ZBTB7C: variants seen among roughly 807,000 people sequenced by gnomAD.
The protein encoded by ZBTB7C is zinc finger and BTB domain containing 7C, also known as zinc finger and BTB domain-containing protein 7C.
A neutral mutation model predicts 25.7 loss-of-function variants in ZBTB7C; 8 were observed. The observed-to-expected ratio is 0.31, with a 90% CI of 0.18 to 0.56. ZBTB7C has a LOEUF of 0.56. Ranked by LOEUF, ZBTB7C falls within the 20% of genes least tolerant of loss-of-function variation. The pLI is 0.91. For missense variants in ZBTB7C, 824 were observed against 855.2 expected, an observed-to-expected ratio of 0.96 and a Z score of 0.46; for synonymous variants, 394 against 369.0, an observed-to-expected ratio of 1.07 and a Z score of -0.78.
chr18:48,138,526 T>C (rs2040243644), intron 3 of ZBTB7C, among the ~76,000 whole-genome samples: 1 of 151,910 alleles, frequency 6.6e-6, no homozygotes, highest in African/African-American at 2.4e-5. Flanking sequence ...TGTCAAACCC[T>C]CCATGCTGTG....
At chr18:48,276,907 A>G (rs1284410790) in intron 2 of ZBTB7C, among the ~76,000 whole-genome samples, 2 of 131,066 alleles carry the variant, frequency 1.5e-5, no homozygotes, top group Admixed American at 1.7e-4. Flanking sequence ...ACTAGTTTAC[A>G]GTCCCACCAA....
At chr18:48,339,342 C>CCATCGGGACACCCAGCATTGCAGA (rs2046537617) in intron 1 of ZBTB7C, among the ~76,000 whole-genome samples, 3 of 152,224 alleles carry the variant, frequency 2.0e-5, no homozygotes, top group African/African-American at 7.2e-5. Context: ...CGAAGAACAT[C>CCATCGGGACACCCAGCATTGCAGA]CATCGGGACA....
At chr18:48,357,255 A>G (rs1261487055) in intron 1 of ZBTB7C, among the ~76,000 whole-genome samples, 1 of 152,216 alleles carries the variant, frequency 6.6e-6, no homozygotes, top group Non-Finnish European at 1.5e-5. Flanking sequence ...AGGAAGTTAG[A>G]GCAAGAAGCC....
chr18:48,391,466 T>G lies in ZBTB7C; in HGVS notation c.-304+17760A>C, dbSNP rs1000305444. Among the ~76,000 whole-genome samples, 5 of 152,226 alleles carry G rather than the reference T, an allele frequency of 3.3e-5. No individual in the cohort carries two copies. In the South Asian group the frequency reaches 6.2e-4, roughly 19 times the overall value. ...CATTTCTTTCATGCTCTGAGTGGAG[T>G]TCATTGAATGTTTGATATGCAAGTC... is the stretch of plus-strand genomic sequence containing the variant. On this transcript the variant is annotated intron_variant, in intron 1 of 4. Coordinates refer to ENST00000590800, the MANE Select transcript of ZBTB7C (RefSeq NM_001318841.2).
intron 2 of ZBTB7C, among the ~76,000 whole-genome samples, chr18:48,239,954 G>GA (rs960243323): frequency 1.3e-5 from 2 of 151,906 alleles, no homozygotes; most frequent in South Asian, 2.1e-4. Flanking sequence ...CCAACTTAAA[G>GA]AAATTTTAAA....
At chr18:48,041,224 C>T in intron 3 of ZBTB7C, 101 bp from the exon 4 acceptor site, 1 of 1,447,114 alleles carries the variant, frequency 6.9e-7, no homozygotes, top group Non-Finnish European at 9.1e-7. Flanking sequence ...TAAGGGCTCC[C>T]TGTCCACTGC....
Position 48,029,475 on chromosome 18 carries a change from G to A in ZBTB7C, c.1645C>T (p.Arg549Trp), listed in dbSNP as rs770367666. The change falls in exon 5 of 5, where the codon CGG becomes TGG. Residue 549 changes from arginine (R) to tryptophan (W), a missense_variant. Arg to Trp is a moderately radical substitution (Grantham distance 101). Around this residue, in one of 4 missense-constraint regions of ZBTB7C, gnomAD observed 342 missense variants for 307.0 expected, o/e 1.11. Coordinates refer to ENST00000590800, the MANE Select transcript of ZBTB7C (RefSeq NM_001318841.2). ...TTCATCTGTGTCTCCTCGAACTGCC[G>A]CTCCAGCTCTTGCAGGCTCAGGGCG... Reference protein sequence around the residue: ...KGALSLQELERQFEETQMKLF... With the variant: ...KGALSLQELEWQFEETQMKLF... 1.9e-6 allele frequency: 3 copies of A among 1,596,690 alleles called. No individual in the cohort carries two copies. The highest frequency in any genetic ancestry group is 2.2e-5 in the South Asian group (2 of 89,842).
chr18:48,113,550 G>T (rs985907005), intron 3 of ZBTB7C, among the ~76,000 whole-genome samples: 8 of 152,198 alleles, frequency 5.3e-5, no homozygotes, highest in Non-Finnish European at 1.2e-4. Flanking sequence ...CCTCATCTGG[G>T]GCTACCTCCT....
intron 1 of ZBTB7C, among the ~76,000 whole-genome samples, chr18:48,348,210 G>A (rs72913583): frequency 0.062 from 9,481 of 152,278 alleles, 336 homozygotes; most frequent in Non-Finnish European, 0.074. Flanking sequence ...AGTTGATGCC[G>A]TCATAGGAGC....
intron 2 of ZBTB7C, among the ~76,000 whole-genome samples, chr18:48,239,440 C>T (rs960013161): frequency 6.6e-6 from 1 of 152,208 alleles, no homozygotes; most frequent in African/African-American, 2.4e-5. Flanking sequence ...AACAAAACTA[C>T]AACCAAGGAC....
chr18:48,284,898 T>G (rs58413391), intron 2 of ZBTB7C, among the ~76,000 whole-genome samples: 209 of 152,318 alleles, frequency 1.4e-3, no homozygotes, highest in African/African-American at 5.0e-3. Context: ...GCCTTGCTCT[T>G]GTCCAGCATG....
Position 48,301,276 on chromosome 18 carries a change from C to T in ZBTB7C, c.-79+36898G>A, listed in dbSNP as rs184833575. On this transcript the variant is annotated intron_variant, in intron 2 of 4. Coordinates refer to ENST00000590800, the MANE Select transcript of ZBTB7C (RefSeq NM_001318841.2). ...GGGGGATCACCTGAGGTCAGGAGTT[C>T]GAGACCAGCCTGGTCAACATGGCAA... Among the ~76,000 whole-genome samples, 182 of 152,188 alleles carry T rather than the reference C, an allele frequency of 1.2e-3. 3 individuals are homozygous for T. The highest frequency in any genetic ancestry group is 9.2e-3 in the Admixed American group (141 of 15,282).
intron 1 of ZBTB7C, among the ~76,000 whole-genome samples, chr18:48,353,280 T>C (rs1174286846): frequency 4.6e-5 from 7 of 152,212 alleles, no homozygotes; most frequent in African/African-American, 1.7e-4. Context: ...GGTCTTCTGC[T>C]GCAAATAGAG....
At chr18:48,103,916 G>A (rs1197074938) in intron 3 of ZBTB7C, among the ~76,000 whole-genome samples, 12 of 152,152 alleles carry the variant, frequency 7.9e-5, no homozygotes, top group East Asian at 1.9e-4. Flanking sequence ...TAGATTAATC[G>A]TTGCCAGGGG....
intron 2 of ZBTB7C, among the ~76,000 whole-genome samples, chr18:48,289,135 C>T (rs2144676691): frequency 6.6e-6 from 1 of 152,320 alleles, no homozygotes; most frequent in South Asian, 2.1e-4. Context: ...GGACTGCTCA[C>T]ACACTCCTTC....
At chr18:48,177,968 G>T (rs2041740601) in intron 3 of ZBTB7C, among the ~76,000 whole-genome samples, 1 of 151,918 alleles carries the variant, frequency 6.6e-6, no homozygotes, top group Admixed American at 6.6e-5. Flanking sequence ...CGCTGGTAAG[G>T]TGGCCCCTCC....
intron 1 of ZBTB7C, chr18:48,375,689 A>T (rs2047504293): frequency 6.6e-6 from 1 of 152,212 alleles, no homozygotes; most frequent in Non-Finnish European, 1.5e-5. Flanking sequence ...ATTTAACCAC[A>T]CTGACCCTCA....
intron 3 of ZBTB7C, among the ~76,000 whole-genome samples, chr18:48,145,498 CA>C (rs2040470949): frequency 6.6e-6 from 1 of 152,166 alleles, no homozygotes; most frequent in African/African-American, 2.4e-5. Flanking sequence ...CATATCAGGG[CA>C]AAAGAAAATC....
intron 3 of ZBTB7C, among the ~76,000 whole-genome samples, chr18:48,128,651 C>T (rs576006059): frequency 1.3e-5 from 2 of 151,866 alleles, no homozygotes; most frequent in South Asian, 2.1e-4. Flanking sequence ...GGGAGCTAAG[C>T]GATGGGTACG....
Sources: gnomAD v4.1 joint callset for allele counts (sites outside exome capture counted in the v4.1 genomes callset) on GRCh38, gnomAD v4.1.1 for gene constraint, gnomAD v4.1.1 regional missense constraint, MANE v1.5 for transcripts, NCBI Gene and HGNC (gene_info 2026-07-23, HGNC 2026-07-21) for gene names.